Variants in PKHD1L1 observed in about 807,000 individuals in gnomAD.
The protein encoded by PKHD1L1 is fibrocystin-L.
In PKHD1L1, 434 loss-of-function variants were observed where a neutral mutation model predicts 462.9. The ratio of observed to expected loss-of-function variants is 0.94; its 90% confidence interval spans 0.87 to 1.02. The LOEUF is 1.02. Ranked by LOEUF, PKHD1L1 falls within the 50% of genes least tolerant of loss-of-function variation. The pLI is 0.00. For missense variants in PKHD1L1, 5,202 were observed against 5,096.1 expected (o/e 1.02, Z -0.63); for synonymous variants, 1,781 against 1,750.0 (o/e 1.02, Z -0.44).
At chr8:109,442,236 T>C (rs758412404) in intron 35 of PKHD1L1, 41 bp downstream of exon 35, 1 of 1,531,086 alleles carries the variant, frequency 6.5e-7, no homozygotes, top group East Asian at 2.3e-5. Flanking sequence ...TGTCACTTTT[T>C]CCTAAATGTA....
At position 109,487,944 on chromosome 8, in the gene PKHD1L1, A is replaced by AAG. The variant is rs1563600685; in HGVS notation, c.9880+1123_9880+1124insAG. On this transcript the variant is annotated intron_variant, in intron 59 of 77. Coordinates refer to ENST00000378402, the MANE Select transcript of PKHD1L1 (RefSeq NM_177531.6). ...AGGAAGGAAGGAAGGAAGGAAGGAA[A>AAG]GAAGGAAGGAAGGAAGGAAGGGAGA... Among the ~76,000 whole-genome samples the AAG allele has an allele frequency of 5.2e-3, 190 of 36,804 alleles. 3 individuals carry two copies. The highest frequency in any genetic ancestry group is 0.025 in the Middle Eastern group (1 of 40). The allele number at this position is 36,804 out of a possible 152,430, so 24.1% of individuals were successfully genotyped here.
Position 109,459,581 on chromosome 8 carries a change from C to A in PKHD1L1, c.7005-14C>A. On this transcript the variant is annotated splice_polypyrimidine_tract_variant and intron_variant, in intron 46 of 77. Transcript: ENST00000378402. ...TATATTAATTTTAAAATTTTTTTGT[C>A]AAAATTTTTACAGACACAGTCAAGG... 2.0e-6 allele frequency: 3 copies of A among 1,477,790 alleles called. No homozygotes were observed. Among genetic ancestry groups the A allele is most frequent in the South Asian group, 2.9e-5 (2 of 69,982 alleles). 91.5% of individuals were successfully genotyped at this position (1,477,790 alleles called of 1,614,324 possible).
chr8:109,445,130 T>C lies in PKHD1L1; in HGVS notation c.5261T>C (p.Val1754Ala). The change falls in exon 38 of 78, where the codon GTC becomes GCC. Residue 1754 changes from valine (V) to alanine (A), a missense_variant. Physicochemically the swap from Val to Ala is moderately conservative, Grantham distance 64 (BLOSUM62 0). This residue lies in a region of PKHD1L1 where 4,497 missense variants were observed against 4,336.8 expected (regional missense o/e 1.04). Coordinates refer to ENST00000378402, the MANE Select transcript of PKHD1L1 (RefSeq NM_177531.6). ...LESITPYITG[V>A]FPNSVIGSVK... is the part of the protein sequence containing the mutation. The stretch of plus-strand genomic sequence containing the variant: ...AGCATCACTCCTTACATAACAGGAG[T>C]CTTCCCAAACTCTGTCATAGGATCT... The C allele has an allele frequency of 6.2e-7, 1 of 1,613,794 alleles. No homozygotes were observed. Among genetic ancestry groups the C allele is most frequent in the Non-Finnish European group, 8.5e-7 (1 of 1,179,858 alleles).
rs2131079246 is a variant in PKHD1L1 at position 109,536,794 on chromosome 8, C to G, written c.*6704C>G. On this transcript the variant is annotated 3_prime_UTR_variant, in exon 78 of 78. Coordinates refer to ENST00000378402, the MANE Select transcript of PKHD1L1 (RefSeq NM_177531.6). ...CTGTATTTAGCAATAAAAGTTACTG[C>G]TAATTGTAATAACAATTATGAGGAA... is the stretch of plus-strand genomic sequence containing the variant. Among the ~76,000 whole-genome samples, 1 of 152,162 alleles carries G rather than the reference C, an allele frequency of 6.6e-6. No individual in the cohort carries two copies. The highest frequency in any genetic ancestry group is 6.5e-5 in the Admixed American group (1 of 15,282).
intron 1 of PKHD1L1, among the ~76,000 whole-genome samples, chr8:109,363,402 G>A (rs1364284697): frequency 1.3e-5 from 2 of 152,154 alleles, no homozygotes; most frequent in African/African-American, 4.8e-5. Context: ...CCTTTATGTT[G>A]GAGAGCTTTT....
intron 65 of PKHD1L1, 31 bp from the exon 66 acceptor site, chr8:109,498,431 A>C (rs760833534): frequency 6.7e-7 from 1 of 1,492,854 alleles, no homozygotes; most frequent in Non-Finnish European, 9.3e-7. Flanking sequence ...GCTATTATTA[A>C]TGCTATATTG....
At position 109,452,214 on chromosome 8, in the gene PKHD1L1, T is replaced by A. The variant is rs752497025; in HGVS notation, c.6441T>A (p.Asp2147Glu). The change falls in exon 42 of 78, where the codon GAT becomes GAA. Residue 2147 changes from aspartate (D) to glutamate (E), a missense_variant. Physicochemically the swap from Asp to Glu is conservative, Grantham distance 45. Coordinates refer to ENST00000378402, the MANE Select transcript of PKHD1L1 (RefSeq NM_177531.6). ...AGACACACATCATCTGCATGACAGA[T>A]GCCCATACTCTATCAGGGTGGGCTC... Reference protein sequence around the residue: ...SNKTHIICMTDAHTLSGWAPV... With the variant: ...SNKTHIICMTEAHTLSGWAPV... 1.2e-6 allele frequency: 2 copies of A among 1,613,212 alleles called. No individual in the cohort carries two copies. The highest frequency in any genetic ancestry group is 2.2e-5 in the South Asian group (2 of 90,874).
rs1361592863 is a variant in PKHD1L1, at chr8:109,397,273, A to G, written c.922+1136A>G. Reference sequence around the variant, plus strand: ...TCCTCAATAATCTCTTGAAAACATGATGTTTATGTGTCTTTCCTTTGCTTC... The same window carrying G: ...TCCTCAATAATCTCTTGAAAACATGGTGTTTATGTGTCTTTCCTTTGCTTC... On this transcript the variant is annotated intron_variant, in intron 11 of 77. Coordinates refer to ENST00000378402, the MANE Select transcript of PKHD1L1 (RefSeq NM_177531.6). Among the ~76,000 whole-genome samples the G allele has an allele frequency of 7.2e-5, 11 of 152,300 alleles. No individual in the cohort carries two copies. The South Asian group carries it at 2.3e-3, about 32-fold the overall frequency.
At chr8:109,499,069 T>C in intron 67 of PKHD1L1, 5 of 292,918 alleles carry the variant, frequency 1.7e-5, no homozygotes, top group Non-Finnish European at 3.2e-5. Flanking sequence ...TTCATGTAAG[T>C]AGGATTATAT....
intron 73 of PKHD1L1, 116 bp downstream of exon 73, chr8:109,518,624 T>C (rs935775560): frequency 1.2e-6 from 1 of 819,378 alleles, no homozygotes; most frequent in Non-Finnish European, 1.9e-6. Flanking sequence ...CCCCACATCC[T>C]GAACCCTCTA....
intron 59 of PKHD1L1, among the ~76,000 whole-genome samples, chr8:109,487,890 GAGGAAGGAAGGAAGGA>G (rs10661778): frequency 7.2e-5 from 5 of 69,296 alleles, no homozygotes; most frequent in Non-Finnish European, 1.1e-4. Context: ...GAGAGAGAGA[GAGGAAGGAAGGAAGGA>G]AGGAAGGAAG....
At chr8:109,506,591 C>T (rs1819704578) in intron 68 of PKHD1L1, among the ~76,000 whole-genome samples, 1 of 152,210 alleles carries the variant, frequency 6.6e-6, no homozygotes, top group African/African-American at 2.4e-5. Flanking sequence ...ACATAAAAGA[C>T]TGCCACTGAG....
intron 72 of PKHD1L1, among the ~76,000 whole-genome samples, chr8:109,517,599 T>C (rs192020655): frequency 1.3e-5 from 2 of 152,266 alleles, no homozygotes; most frequent in African/African-American, 2.4e-5. Context: ...TTGTCTTGCA[T>C]TAGCCAAACA....
Position 109,400,361 on chromosome 8 carries a change from A to G in PKHD1L1, c.1281+17A>G. 6.3e-7 allele frequency: 1 copy of G among 1,595,548 alleles called. No homozygotes were observed. Among genetic ancestry groups the G allele is most frequent in the Non-Finnish European group, 8.6e-7 (1 of 1,168,780 alleles). ...GAAGATAAGGTAGGGAAGCCTCAGA[A>G]TACTATTTGATACTGTAAAAACATT... On this transcript the variant is annotated intron_variant, in intron 13 of 77. Coordinates refer to ENST00000378402, the MANE Select transcript of PKHD1L1 (RefSeq NM_177531.6).
At position 109,448,203 on chromosome 8, in the gene PKHD1L1, T is replaced by A. The variant is rs1479916018; in HGVS notation, c.5837T>A (p.Ile1946Asn). ...AACTTTGGCTTTGAGATCTTGGAAA[T>A]CTCCGTGATGATAAATAACATTCAG... ...GSNFGFEILEISVMINNIQCN... is the reference protein window; with the variant it reads ...GSNFGFEILENSVMINNIQCN... Residue 1946 changes from isoleucine to asparagine, a missense_variant, in exon 39 of 78, where the codon ATC (isoleucine) becomes AAC (asparagine). Physicochemically the swap from Ile to Asn is moderately radical, Grantham distance 149 (BLOSUM62 -3). Transcript: ENST00000378402. 1 of 1,612,562 alleles carries A rather than the reference T, an allele frequency of 6.2e-7. No homozygotes were observed. The highest frequency in any genetic ancestry group is 1.3e-5 in the African/African-American group (1 of 74,794).
chr8:109,471,204 G>A, intron 50 of PKHD1L1: 2 of 838,260 alleles, frequency 2.4e-6, no homozygotes, highest in South Asian at 2.8e-5. Flanking sequence ...TTTTTTACTT[G>A]AATCAGATGG....
chr8:109,460,139 C>T (rs1817038132), intron 47 of PKHD1L1, among the ~76,000 whole-genome samples: 1 of 151,948 alleles, frequency 6.6e-6, no homozygotes, highest in Non-Finnish European at 1.5e-5. Flanking sequence ...GATAAATTAT[C>T]TTCCTATAAT....
chr8:109,371,883 A>C (rs1247851142), intron 2 of PKHD1L1, among the ~76,000 whole-genome samples: 1 of 152,152 alleles, frequency 6.6e-6, no homozygotes, highest in Admixed American at 6.6e-5. Context: ...TGGTACAAGT[A>C]CCATGCTGTT....
At position 109,497,277 on chromosome 8, in the gene PKHD1L1, G is replaced by A; in HGVS notation, c.10599+5G>A. On this transcript the variant is annotated splice_donor_5th_base_variant and intron_variant, in intron 65 of 77. Coordinates refer to ENST00000378402, the MANE Select transcript of PKHD1L1 (RefSeq NM_177531.6). ...AGTAAAAATGTACAAATTAAGGTAA[G>A]AAATTAATACAGCCACACCATGGAG... 6.2e-7 allele frequency: 1 copy of A among 1,612,380 alleles called. No individual in the cohort carries two copies. Among genetic ancestry groups the A allele is most frequent in the South Asian group, 1.1e-5 (1 of 90,998 alleles).
Sources: allele counts gnomAD v4.1 joint callset (sites outside exome capture counted in the v4.1 genomes callset), GRCh38; gene constraint gnomAD v4.1.1; regional missense constraint gnomAD v4.1.1; transcripts MANE v1.5; gene names NCBI Gene and HGNC (gene_info 2026-07-23, HGNC 2026-07-21).